PDGFRA: variants seen among roughly 807,000 people sequenced by gnomAD.
PDGFRA encodes platelet derived growth factor receptor alpha, also known as platelet-derived growth factor receptor alpha.
In PDGFRA, 25 loss-of-function variants were observed where a neutral mutation model predicts 121.5. That is an observed-to-expected ratio of 0.21 (90% CI 0.15 to 0.29). The LOEUF is 0.29. Among genes scored for constraint, PDGFRA ranks in the 10% least tolerant of loss-of-function variants. The pLI is 1.00. For missense variants in PDGFRA, 1,008 were observed against 1,345.1 expected (o/e 0.75, Z 3.92); for synonymous variants, 463 against 494.8 (o/e 0.94, Z 0.85).
intron 2 of PDGFRA, among the ~76,000 whole-genome samples, chr4:54,259,897 T>A (rs539286234): frequency 1.3e-4 from 20 of 152,346 alleles, no homozygotes; most frequent in Non-Finnish European, 2.5e-4. Flanking sequence ...CTCGGGTTTC[T>A]TGTTTTCTAA....
intron 15 of PDGFRA, chr4:54,278,800 T>G (rs1723905940): frequency 3.5e-6 from 2 of 569,600 alleles, no homozygotes; most frequent in Non-Finnish European, 6.6e-6. Flanking sequence ...TGTGATCCAC[T>G]TAGACCTATA....
At position 54,258,741 on chromosome 4, in the gene PDGFRA, CTT is replaced by C; in HGVS notation, c.-12-13_-12-12del. On this transcript the variant is annotated splice_polypyrimidine_tract_variant and intron_variant, in intron 1 of 22. Transcript: ENST00000257290. ...TATTTGCTAATGCTGTTTCTGTTGA[CTT>C]TTGACTTTTCTAGTTTCCCAGAGCT... 1 of 1,573,428 alleles carries C rather than the reference CTT, an allele frequency of 6.4e-7. No homozygotes were observed. Among genetic ancestry groups the C allele is most frequent in the South Asian group, 1.1e-5 (1 of 90,236 alleles).
At chr4:54,233,386 CG>C (rs950634923) in intron 1 of PDGFRA, among the ~76,000 whole-genome samples, 3 of 152,214 alleles carry the variant, frequency 2.0e-5, no homozygotes, top group African/African-American at 7.2e-5. Context: ...GCAGCACTCC[CG>C]GCTGCGCTGT....
At chr4:54,245,995 A>G (rs1721635824) in intron 1 of PDGFRA, among the ~76,000 whole-genome samples, 3 of 152,204 alleles carry the variant, frequency 2.0e-5, no homozygotes. Context: ...AAAGGGATCA[A>G]TTCAACAGGA....
intron 2 of PDGFRA, among the ~76,000 whole-genome samples, chr4:54,260,160 G>A (rs567111220): frequency 9.9e-5 from 15 of 152,122 alleles, no homozygotes; most frequent in South Asian, 2.1e-4. Flanking sequence ...ATTAAAATCC[G>A]TATCATCTGG....
intron 8 of PDGFRA, among the ~76,000 whole-genome samples, chr4:54,271,077 A>G (rs1311253347): frequency 6.6e-6 from 1 of 152,180 alleles, no homozygotes; most frequent in African/African-American, 2.4e-5. Context: ...TACTGGGATT[A>G]CAGGTGTGAG....
chr4:54,234,057 C>T (rs562840870), intron 1 of PDGFRA, among the ~76,000 whole-genome samples: 2 of 152,284 alleles, frequency 1.3e-5, no homozygotes, highest in Admixed American at 1.3e-4. Context: ...TGCACAGAAC[C>T]CTAGTAGCGA....
At chr4:54,244,983 A>G (rs567683550) in intron 1 of PDGFRA, among the ~76,000 whole-genome samples, 3 of 152,332 alleles carry the variant, frequency 2.0e-5, no homozygotes, top group African/African-American at 4.8e-5. Flanking sequence ...GGAAGATGAA[A>G]TGAATGAAAT....
intron 1 of PDGFRA, among the ~76,000 whole-genome samples, chr4:54,246,229 T>C (rs1198167238): frequency 6.6e-6 from 1 of 152,152 alleles, no homozygotes; most frequent in Non-Finnish European, 1.5e-5. Flanking sequence ...AATAGACATC[T>C]ACAGAACTCT....
At chr4:54,287,040 A>G (rs1724396982) in intron 18 of PDGFRA, among the ~76,000 whole-genome samples, 1 of 152,146 alleles carries the variant, frequency 6.6e-6, no homozygotes, top group Non-Finnish European at 1.5e-5. Flanking sequence ...TCATGTACTC[A>G]TGTGGCCGTG....
chr4:54,286,290 A>T (rs1303090310), intron 18 of PDGFRA, among the ~76,000 whole-genome samples: 1 of 152,182 alleles, frequency 6.6e-6, no homozygotes. Context: ...TGCCTGGCAT[A>T]TAGAAACAGC....
intron 19 of PDGFRA, among the ~76,000 whole-genome samples, chr4:54,288,108 C>T (rs1724443730): frequency 6.6e-6 from 1 of 152,130 alleles, no homozygotes; most frequent in Non-Finnish European, 1.5e-5. Flanking sequence ...GAGACTTACA[C>T]ACTTAGGGAT....
At chr4:54,278,329 A>G in intron 14 of PDGFRA, 33 bp from the exon 15 acceptor site, 1 of 1,587,088 alleles carries the variant, frequency 6.3e-7, no homozygotes, top group Non-Finnish European at 8.6e-7. Flanking sequence ...CTTCATTTTC[A>G]TACCCATCTC....
intron 16 of PDGFRA, chr4:54,281,694 A>C (rs1348614566): frequency 2.2e-6 from 3 of 1,363,142 alleles, no homozygotes; most frequent in South Asian, 1.2e-5. Context: ...ATCTGAAAAA[A>C]ATCGTGAATG....
At chr4:54,284,348 T>C (rs906221016) in intron 16 of PDGFRA, among the ~76,000 whole-genome samples, 6 of 152,224 alleles carry the variant, frequency 3.9e-5, no homozygotes, top group Admixed American at 3.9e-4. Flanking sequence ...CATTCCTTGA[T>C]ACCAATTTTC....
intron 1 of PDGFRA, among the ~76,000 whole-genome samples, chr4:54,244,003 A>C (rs1248080039): frequency 6.6e-6 from 1 of 152,214 alleles, no homozygotes; most frequent in African/African-American, 2.4e-5. Context: ...GGCAGCAGCG[A>C]GGCTGGGGGA....
intron 16 of PDGFRA, among the ~76,000 whole-genome samples, chr4:54,282,314 TC>T (rs977780046): frequency 1.3e-5 from 2 of 152,116 alleles, no homozygotes; most frequent in African/African-American, 4.8e-5. Flanking sequence ...GTAGATCTGC[TC>T]AGTTTTTGGA....
intron 1 of PDGFRA, among the ~76,000 whole-genome samples, chr4:54,237,639 T>C (rs1490361589): frequency 6.6e-6 from 1 of 152,188 alleles, no homozygotes; most frequent in Non-Finnish European, 1.5e-5. Context: ...GGGCCCACTG[T>C]GCCTGCCACC....
At chr4:54,265,358 A>G in intron 5 of PDGFRA, 1 of 348,356 alleles carries the variant, frequency 2.9e-6, no homozygotes, top group South Asian at 2.7e-5. Flanking sequence ...AAAAAATTAG[A>G]AGAGCAAAAA....
Sources: gnomAD v4.1 joint callset for allele counts (sites outside exome capture counted in the v4.1 genomes callset) on GRCh38, gnomAD v4.1.1 for gene constraint, MANE v1.5 for transcripts, NCBI Gene and HGNC (gene_info 2026-07-23, HGNC 2026-07-21) for gene names.